Variants in NHS observed in about 807,000 individuals in gnomAD.
NHS encodes the protein NHS actin remodeling regulator.
In NHS, 5 loss-of-function variants were observed where a neutral mutation model predicts 72.5. That is an observed-to-expected ratio of 0.07 (90% confidence interval 0.04 to 0.14). The LOEUF is 0.14. Ranked by LOEUF, NHS falls within the 10% of genes least tolerant of loss-of-function variation. The pLI, the probability that NHS is intolerant of heterozygous loss-of-function variation, is 1.00. For synonymous variants in NHS, 464 were observed against 547.7 expected (o/e 0.85, Z 2.13); for missense variants, 1,072 against 1,355.7 (o/e 0.79, Z 3.29).
chrX:17,703,957 A>G (rs2066281034), intron 3 of NHS, among the ~76,000 whole-genome samples: 2 of 111,819 alleles, frequency 1.8e-5, no homozygotes, highest in South Asian at 7.5e-4. Context: ...GGTGTCCCCA[A>G]ACTAAGCAAA....
In NHS at chrX:17,731,877, G is replaced by C; in HGVS notation, c.4369G>C (p.Gly1457Arg). ...TCAAAGATCCAAGAGGAAAGTACTT[G>C]GAAGAAAAGATTCCGGGGACATGTC... ...VIHRSKRKVL[G>R]RKDSGDMSVR... The change falls in exon 9 of 9, where the codon GGA becomes CGA. Residue 1457 changes from glycine to arginine, a missense_variant. Gly to Arg is a moderately radical substitution (Grantham distance 125). Transcript: ENST00000676302. 1.7e-6 allele frequency: 2 copies of C among 1,198,154 alleles called. No homozygotes were observed. Among genetic ancestry groups the C allele is most frequent in the Non-Finnish European group, 2.3e-6 (2 of 888,210 alleles).
intron 1 of NHS, among the ~76,000 whole-genome samples, chrX:17,459,309 C>T (rs1014649581): frequency 4.5e-5 from 5 of 111,437 alleles, no homozygotes. Context: ...ACTCCATCAG[C>T]ATCAATGTGG....
chrX:17,613,550 C>A (rs765953261), intron 1 of NHS, among the ~76,000 whole-genome samples: 1 of 111,512 alleles, frequency 9.0e-6, no homozygotes, highest in South Asian at 3.8e-4. Context: ...TTCTGCCCCC[C>A]TTCTTAGAGC....
At chrX:17,491,333 G>T (rs1287014484) in intron 1 of NHS, among the ~76,000 whole-genome samples, 1 of 111,763 alleles carries the variant, frequency 8.9e-6, no homozygotes, top group Non-Finnish European at 1.9e-5. Flanking sequence ...GCATGAAGGG[G>T]TGTTGAATTT....
Position 17,376,185 on chromosome X carries a change from C to G in NHS, c.428C>G (p.Ala143Gly), listed in dbSNP as rs755401590. 2 of 1,190,698 alleles carry G rather than the reference C, an allele frequency of 1.7e-6. No homozygotes were observed. The highest frequency in any genetic ancestry group is 2.2e-6 in the Non-Finnish European group (2 of 890,890). Reference protein sequence around the residue: ...ARVLRQLSDVARHACSLFQEL... With the variant: ...ARVLRQLSDVGRHACSLFQEL... ...GTCCTCCGGCAGCTCTCGGACGTGG[C>G]CCGGCACGCTTGCAGCCTCTTCCAG... Residue 143 changes from alanine (A) to glycine (G), a missense_variant, in exon 1 of 9, where the codon GCC (alanine) becomes GGC (glycine). By Grantham distance (60) the Ala-to-Gly change is moderately conservative. Coordinates refer to ENST00000676302, the MANE Select transcript of NHS (RefSeq NM_001291867.2).
intron 3 of NHS, among the ~76,000 whole-genome samples, chrX:17,715,629 T>C (rs1289317602): frequency 1.8e-5 from 2 of 111,937 alleles, no homozygotes; most frequent in African/African-American, 6.5e-5. Flanking sequence ...CAGGGTTACA[T>C]GTGCAGGTTT....
At chrX:17,725,253 A>G (rs1004148773) in intron 6 of NHS, 94 bp from the exon 7 acceptor site, 6 of 863,531 alleles carry the variant, frequency 6.9e-6, no homozygotes, top group Non-Finnish European at 8.2e-6. Context: ...AAACAGCTCT[A>G]ACCTGCCAGC....
chrX:17,463,482 G>T (rs1392798817), intron 1 of NHS, among the ~76,000 whole-genome samples: 2 of 111,105 alleles, frequency 1.8e-5, no homozygotes, highest in Non-Finnish European at 3.8e-5. Context: ...AGATGATCAT[G>T]ATGATGATAT....
chrX:17,447,637 C>G (rs1297024208), intron 1 of NHS, among the ~76,000 whole-genome samples: 1 of 110,802 alleles, frequency 9.0e-6, no homozygotes, highest in East Asian at 2.8e-4. Flanking sequence ...TATATACATG[C>G]AATGGCCAAA....
At chrX:17,538,047 C>T (rs1303766074) in intron 1 of NHS, among the ~76,000 whole-genome samples, 1 of 111,860 alleles carries the variant, frequency 8.9e-6, no homozygotes, top group Non-Finnish European at 1.9e-5. Context: ...TTGCGGAAGG[C>T]CAAGCATTCC....
chrX:17,550,313 G>A (rs993072597), intron 1 of NHS, among the ~76,000 whole-genome samples: 7 of 112,241 alleles, frequency 6.2e-5, no homozygotes, highest in African/African-American at 1.9e-4. Flanking sequence ...GGAGACGAAT[G>A]TTTTATTGTT....
At chrX:17,496,169 T>A (rs1376235364) in intron 1 of NHS, among the ~76,000 whole-genome samples, 2 of 111,562 alleles carry the variant, frequency 1.8e-5, no homozygotes, top group Non-Finnish European at 3.8e-5. Context: ...AGACCTGGGA[T>A]ATGCAGCCTG....
intron 1 of NHS, among the ~76,000 whole-genome samples, chrX:17,681,261 C>T (rs2066127273): frequency 8.9e-6 from 1 of 112,086 alleles, no homozygotes; most frequent in Non-Finnish European, 1.9e-5. Context: ...CTGATCCTGG[C>T]CTCCCAATCT....
chrX:17,458,048 C>G (rs2064832288), intron 1 of NHS, among the ~76,000 whole-genome samples: 1 of 111,633 alleles, frequency 9.0e-6, no homozygotes, highest in African/African-American at 3.3e-5. Flanking sequence ...AAAATGAATA[C>G]AATGTGGTTT....
chrX:17,413,823 T>C (rs1241030035), intron 1 of NHS, among the ~76,000 whole-genome samples: 1 of 111,933 alleles, frequency 8.9e-6, no homozygotes, highest in East Asian at 2.8e-4. Context: ...TCTTCTACTT[T>C]GGATATGCTT....
chrX:17,730,201 C>G (rs910584367), intron 8 of NHS, among the ~76,000 whole-genome samples: 4 of 111,963 alleles, frequency 3.6e-5, no homozygotes, highest in African/African-American at 1.3e-4. Context: ...AAGTTACTCC[C>G]AAAGGACCAA....
rs187935831 is a variant in NHS, at chrX:17,615,216, G to A, written c.566-72526G>A. Among the ~76,000 whole-genome samples the A allele has an allele frequency of 6.9e-3, 600 of 86,340 alleles. 10 individuals carry two copies. Among genetic ancestry groups the A allele is most frequent in the African/African-American group, 0.028 (574 of 20,785 alleles). 75.0% of individuals were successfully genotyped at this position (86,340 alleles called of 115,157 possible). On this transcript the variant is annotated intron_variant, in intron 1 of 8. Coordinates refer to ENST00000676302, the MANE Select transcript of NHS (RefSeq NM_001291867.2). ...TACACATATATACGTATATATATAC[G>A]TATATATACACATATATATACGTAT...
At chrX:17,446,175 A>G (rs780721180) in intron 1 of NHS, among the ~76,000 whole-genome samples, 1 of 110,168 alleles carries the variant, frequency 9.1e-6, no homozygotes, top group Non-Finnish European at 1.9e-5. Context: ...CGCCGCCCCA[A>G]TCCTGCTCAA....
chrX:17,665,805 G>A (rs1215423018), intron 1 of NHS, among the ~76,000 whole-genome samples: 1 of 112,007 alleles, frequency 8.9e-6, no homozygotes, highest in African/African-American at 3.2e-5. Context: ...TTTTCCTTGT[G>A]GTTTTTATTA....
Sources: allele counts gnomAD v4.1 joint callset (sites outside exome capture counted in the v4.1 genomes callset), GRCh38; gene constraint gnomAD v4.1.1; transcripts MANE v1.5; gene names NCBI Gene and HGNC (gene_info 2026-07-23, HGNC 2026-07-21).